Variants in DCC observed in about 807,000 individuals in gnomAD.
DCC encodes netrin receptor DCC.
Under a neutral mutation model 172.5 loss-of-function variants are expected in DCC, and 58 were observed. The observed-to-expected ratio is 0.34, with a 90% CI of 0.27 to 0.42. The LOEUF (loss-of-function observed/expected upper bound fraction) is 0.42. Among genes scored for constraint, DCC ranks in the 10% least tolerant of loss-of-function variants. The pLI is 1.00. For synonymous variants in DCC, 709 were observed against 644.5 expected (o/e 1.10, Z -1.52); for missense variants, 1,740 against 1,791.0 (o/e 0.97, Z 0.51).
intron 1 of DCC, among the ~76,000 whole-genome samples, chr18:52,668,065 AAAC>A (rs1328940946): frequency 2.0e-5 from 3 of 152,020 alleles, no homozygotes; most frequent in Non-Finnish European, 4.4e-5. Context: ...CAACAAAAAA[AAAC>A]AGTGAGTCTG....
intron 7 of DCC, among the ~76,000 whole-genome samples, chr18:53,075,880 G>A (rs1297536383): frequency 6.6e-6 from 1 of 152,052 alleles, no homozygotes; most frequent in Non-Finnish European, 1.5e-5. Flanking sequence ...GCTGCAATTG[G>A]TACTATTTCC....
At chr18:53,416,841 G>A (rs1052060445) in intron 21 of DCC, among the ~76,000 whole-genome samples, 30 of 152,144 alleles carry the variant, frequency 2.0e-4, no homozygotes, top group Admixed American at 3.3e-4. Context: ...TACTATTACC[G>A]TGATTTGTAG....
intron 1 of DCC, among the ~76,000 whole-genome samples, chr18:52,640,149 A>G (rs2034862194): frequency 6.6e-6 from 1 of 152,216 alleles, no homozygotes. Context: ...AGCATTTGAC[A>G]AAATCCAGCA....
intron 2 of DCC, among the ~76,000 whole-genome samples, chr18:52,760,612 T>C (rs908298313): frequency 3.9e-5 from 6 of 152,224 alleles, no homozygotes; most frequent in Non-Finnish European, 7.3e-5. Flanking sequence ...AGCACAGTTA[T>C]ACAATTCTGA....
rs146497928 is a variant in DCC at position 53,289,627 on chromosome 18, T to C, written c.1912-15951T>C. ...TTGAACAAATTAATAAAGTGACTAA[T>C]GTAAATTATAGTGAGATTTTCTGCA... On this transcript the variant is annotated intron_variant, in intron 12 of 28. Transcript: ENST00000442544. Among the ~76,000 whole-genome samples, 10 of 152,250 alleles carry C rather than the reference T, an allele frequency of 6.6e-5. No homozygotes were observed. The East Asian group carries it at 1.4e-3, about 21-fold the overall frequency.
intron 7 of DCC, among the ~76,000 whole-genome samples, chr18:53,145,132 T>TTTTTTA (rs2043888924): frequency 7.3e-6 from 1 of 137,818 alleles, no homozygotes; most frequent in East Asian, 2.1e-4. Flanking sequence ...TTTTTTTTTT[T>TTTTTTA]GAGACCGACT....
At chr18:52,877,088 T>C (rs1261052626) in intron 2 of DCC, among the ~76,000 whole-genome samples, 1 of 152,228 alleles carries the variant, frequency 6.6e-6, no homozygotes, top group Non-Finnish European at 1.5e-5. Flanking sequence ...ATGACCTGTA[T>C]TTTATACTGT....
At chr18:53,301,807 C>T (rs2057145262) in intron 12 of DCC, among the ~76,000 whole-genome samples, 2 of 152,096 alleles carry the variant, frequency 1.3e-5, no homozygotes, top group South Asian at 4.1e-4. Flanking sequence ...GCTGCTTCTC[C>T]TCCTCTTCCT....
At chr18:52,535,781 A>G (rs1037651577) in intron 1 of DCC, among the ~76,000 whole-genome samples, 18 of 152,232 alleles carry the variant, frequency 1.2e-4, no homozygotes, top group Non-Finnish European at 5.9e-5. Context: ...TCATACATTC[A>G]ACACCCATTT....
chr18:52,775,632 T>C (rs1008808497), intron 2 of DCC, among the ~76,000 whole-genome samples: 3 of 152,178 alleles, frequency 2.0e-5, no homozygotes, highest in African/African-American at 7.2e-5. Flanking sequence ...CGCCGGTAGA[T>C]GGCCTGCAGG....
intron 5 of DCC, among the ~76,000 whole-genome samples, chr18:53,001,384 C>A (rs1240658698): frequency 1.3e-5 from 2 of 152,022 alleles, no homozygotes; most frequent in East Asian, 1.9e-4. Flanking sequence ...GTGCCATCAC[C>A]TTTCTTATAA....
At chr18:52,939,131 C>A (rs2145518809) in intron 5 of DCC, among the ~76,000 whole-genome samples, 1 of 152,214 alleles carries the variant, frequency 6.6e-6, no homozygotes, top group East Asian at 1.9e-4. Context: ...CACATTCTAC[C>A]ATTATTCACT....
intron 14 of DCC, among the ~76,000 whole-genome samples, chr18:53,329,304 A>C (rs2057505146): frequency 6.7e-6 from 1 of 150,092 alleles, no homozygotes; most frequent in Non-Finnish European, 1.5e-5. Context: ...AAAACTTTAA[A>C]AATTCATAAC....
At chr18:52,893,859 G>C (rs1309366535) in intron 2 of DCC, among the ~76,000 whole-genome samples, 1 of 152,024 alleles carries the variant, frequency 6.6e-6, no homozygotes, top group Non-Finnish European at 1.5e-5. Context: ...CCCTCATGAA[G>C]ATCACAGTAC....
At chr18:52,605,386 C>A in intron 1 of DCC, among the ~76,000 whole-genome samples, 1 of 152,258 alleles carries the variant, frequency 6.6e-6, no homozygotes, top group Non-Finnish European at 1.5e-5. Flanking sequence ...ACTGCAATTA[C>A]AACTAAGAAG....
intron 5 of DCC, among the ~76,000 whole-genome samples, chr18:53,043,844 G>A (rs540010370): frequency 1.3e-5 from 2 of 151,886 alleles, no homozygotes; most frequent in Admixed American, 6.6e-5. Context: ...TAAAAACCTA[G>A]CCCTGCTATC....
intron 1 of DCC, among the ~76,000 whole-genome samples, chr18:52,374,211 T>C (rs75390376): frequency 0.079 from 12,077 of 152,090 alleles, 911 homozygotes; most frequent in African/African-American, 0.19. Context: ...TAATCTAGAT[T>C]ATCCTTTACA....
chr18:52,515,000 A>AAAT (rs1451748597), intron 1 of DCC, among the ~76,000 whole-genome samples: 1 of 152,192 alleles, frequency 6.6e-6, no homozygotes. Context: ...AAATCCAGAC[A>AAAT]AATACAGTAA....
At chr18:53,258,359 A>G (rs1437593208) in intron 12 of DCC, among the ~76,000 whole-genome samples, 3 of 151,440 alleles carry the variant, frequency 2.0e-5, no homozygotes, top group African/African-American at 7.3e-5. Flanking sequence ...AGTGCTACAA[A>G]TTTCCCTCTA....
Sources: gnomAD v4.1 joint callset for allele counts (sites outside exome capture counted in the v4.1 genomes callset) on GRCh38, gnomAD v4.1.1 for gene constraint, MANE v1.5 for transcripts, NCBI Gene and HGNC (gene_info 2026-07-23, HGNC 2026-07-21) for gene names.